PRKN: variants seen among roughly 807,000 people sequenced by gnomAD.
PRKN encodes the protein E3 ubiquitin-protein ligase parkin.
PRKN carries 56 observed loss-of-function variants against 59.5 expected under a neutral mutation model. The ratio of observed to expected loss-of-function variants is 0.94; its 90% CI spans 0.76 to 1.18. The LOEUF is 1.18. Ranked by LOEUF, PRKN falls within the 50% of genes most tolerant of loss-of-function variation. PRKN has a pLI of 0.00. For synonymous variants in PRKN, 250 were observed against 222.1 expected (o/e 1.13, Z -1.12); for missense variants, 657 against 596.4 (o/e 1.10, Z -1.06).
chr6:161,733,793 T>TATATATATATATATATAC (rs1562641758), intron 7 of PRKN, among the ~76,000 whole-genome samples: 18 of 70,044 alleles, frequency 2.6e-4, no homozygotes, highest in African/African-American at 9.1e-4. Context: ...AATATATATA[T>TATATATATATATATATAC]ATATGTATAT....
rs570452058 is a variant in PRKN, at chr6:161,423,596, C to T, written c.1084-36719G>A. Among the ~76,000 whole-genome samples, 1 of 152,216 alleles carries T rather than the reference C, an allele frequency of 6.6e-6. No individual in the cohort carries two copies. The highest frequency in any genetic ancestry group is 1.9e-4 in the East Asian group (1 of 5,170). On this transcript the variant is annotated intron_variant, in intron 9 of 11. Coordinates refer to ENST00000366898, the MANE Select transcript of PRKN (RefSeq NM_004562.3). The surrounding 1 kb of genome is among the most constrained non-coding windows in gnomAD (Gnocchi z 5.9). ...TTACAGATTTAGATGACTTGTCAAT[C>T]CCAAGCTGGAATTCATAAAATTGGC...
At chr6:161,604,927 C>T (rs991456198) in intron 7 of PRKN, among the ~76,000 whole-genome samples, 5 of 152,058 alleles carry the variant, frequency 3.3e-5, no homozygotes, top group Non-Finnish European at 5.9e-5. Context: ...AAGTGAGATT[C>T]TGTCCCCAAA....
intron 7 of PRKN, among the ~76,000 whole-genome samples, chr6:161,659,241 C>T (rs1257975154): frequency 2.6e-5 from 4 of 152,154 alleles, no homozygotes; most frequent in African/African-American, 4.8e-5. Context: ...GTATCCTGGG[C>T]ACATAGAGCA....
At chr6:162,092,199 C>G (rs1200963086) in intron 4 of PRKN, among the ~76,000 whole-genome samples, 1 of 151,634 alleles carries the variant, frequency 6.6e-6, no homozygotes, top group Non-Finnish European at 1.5e-5. Context: ...ACTAAAAATA[C>G]CAAAAATTAG....
chr6:162,081,212 T>G (rs1327053106), intron 4 of PRKN, among the ~76,000 whole-genome samples: 3 of 152,104 alleles, frequency 2.0e-5, no homozygotes, highest in African/African-American at 7.3e-5. Context: ...TCATGAATCA[T>G]GAAGTTCTTA....
At chr6:162,683,335 G>A (rs1354476912) in intron 1 of PRKN, among the ~76,000 whole-genome samples, 1 of 152,146 alleles carries the variant, frequency 6.6e-6, no homozygotes, top group East Asian at 1.9e-4. Flanking sequence ...ACAGCAGAGA[G>A]AACATTTTCA....
intron 3 of PRKN, among the ~76,000 whole-genome samples, chr6:162,237,234 A>G (rs548514677): frequency 6.6e-6 from 1 of 152,186 alleles, no homozygotes; most frequent in African/African-American, 2.4e-5. Context: ...CATGGAAAAA[A>G]ATGTGATTAT....
At chr6:161,968,283 C>T (rs1005277747) in intron 6 of PRKN, among the ~76,000 whole-genome samples, 6 of 150,716 alleles carry the variant, frequency 4.0e-5, no homozygotes, top group African/African-American at 7.4e-5. Context: ...AAGTGATCTG[C>T]ACACCTCAGC....
chr6:162,040,732 T>C (rs576013168), intron 5 of PRKN, among the ~76,000 whole-genome samples: 1 of 151,606 alleles, frequency 6.6e-6, no homozygotes, highest in East Asian at 2.0e-4. Flanking sequence ...AACCACATTT[T>C]TGATGTATTT....
intron 1 of PRKN, among the ~76,000 whole-genome samples, chr6:162,614,681 G>C (rs1428111729): frequency 6.6e-6 from 1 of 152,188 alleles, no homozygotes; most frequent in Non-Finnish European, 1.5e-5. Context: ...ACACGTATCT[G>C]AGCTTTGCCT....
intron 4 of PRKN, among the ~76,000 whole-genome samples, chr6:162,069,889 T>C (rs1295386162): frequency 6.6e-6 from 1 of 152,192 alleles, no homozygotes; most frequent in Non-Finnish European, 1.5e-5. Context: ...GAAAAAACTT[T>C]ATATGGTATA....
At chr6:162,673,240 G>T (rs1562486584) in intron 1 of PRKN, among the ~76,000 whole-genome samples, 1 of 152,174 alleles carries the variant, frequency 6.6e-6, no homozygotes, top group Non-Finnish European at 1.5e-5. Context: ...GGCAGAAACG[G>T]TGTGTAGCTG....
chr6:162,236,631 C>A (rs1488257982), intron 3 of PRKN, among the ~76,000 whole-genome samples: 10 of 146,874 alleles, frequency 6.8e-5, no homozygotes, highest in African/African-American at 7.6e-5. Context: ...ACTAAAAATA[C>A]AAAAAAAAAA....
intron 7 of PRKN, among the ~76,000 whole-genome samples, chr6:161,701,236 C>A (rs1049184993): frequency 1.3e-5 from 2 of 152,308 alleles, no homozygotes; most frequent in Admixed American, 6.5e-5. Flanking sequence ...CAGGAGCATG[C>A]TCAGCCTGAA....
intron 5 of PRKN, among the ~76,000 whole-genome samples, chr6:162,048,094 T>TGTA (rs537430886): frequency 6.2e-4 from 95 of 152,216 alleles, no homozygotes; most frequent in African/African-American, 2.2e-3. Flanking sequence ...AAATGTTTGA[T>TGTA]GTATAAGAGT....
At chr6:162,595,506 G>A (rs985014586) in intron 1 of PRKN, among the ~76,000 whole-genome samples, 4 of 151,978 alleles carry the variant, frequency 2.6e-5, no homozygotes, top group African/African-American at 4.8e-5. Flanking sequence ...TCCACCTGCC[G>A]CAGCCTCCCA....
intron 1 of PRKN, among the ~76,000 whole-genome samples, chr6:162,573,480 G>C (rs2186818): frequency 0.53 from 80,166 of 151,464 alleles, 21,455 homozygotes; most frequent in East Asian, 0.71. Context: ...TTGTGACAAC[G>C]TTCCAGCTAG....
At chr6:162,278,297 G>T (rs192201235) in intron 2 of PRKN, among the ~76,000 whole-genome samples, 1 of 152,156 alleles carries the variant, frequency 6.6e-6, no homozygotes, top group Non-Finnish European at 1.5e-5. Context: ...ATGACGGAGG[G>T]ATGAATAGAG....
Position 161,451,844 on chromosome 6 carries a change from C to T in PRKN, c.1084-64967G>A, listed in dbSNP as rs1789750597. On this transcript the variant is annotated intron_variant, in intron 9 of 11. Coordinates refer to ENST00000366898, the MANE Select transcript of PRKN (RefSeq NM_004562.3). The surrounding 1 kb of genome is among the most constrained non-coding windows in gnomAD (Gnocchi z 5.9). ...GTCCATGGAACCCTCAAAATAGGTC[C>T]CTTAATTTTGTAGAAAAATGGTGTC... 6.6e-6 allele frequency among the ~76,000 whole-genome samples: 1 copy of T among 152,040 alleles called. No individual in the cohort carries two copies. Among genetic ancestry groups the T allele is most frequent in the African/African-American group, 2.4e-5 (1 of 41,390 alleles).
Sources: gnomAD v4.1 joint callset for allele counts (sites outside exome capture counted in the v4.1 genomes callset) on GRCh38, gnomAD v4.1.1 for gene constraint, Gnocchi (gnomAD v3.1) non-coding constraint, MANE v1.5 for transcripts, NCBI Gene and HGNC (gene_info 2026-07-23, HGNC 2026-07-21) for gene names.